ROBO2: variants seen among roughly 807,000 people sequenced by gnomAD.
ROBO2 encodes the protein roundabout homolog 2.
In ROBO2, 53 loss-of-function variants were observed where a neutral mutation model predicts 160.8. The observed-to-expected ratio is 0.33, with a 90% CI of 0.26 to 0.41. The LOEUF (loss-of-function observed/expected upper bound fraction) is 0.41, where lower values mean the gene tolerates loss of function less well. Among genes scored for constraint, ROBO2 ranks in the 10% least tolerant of loss-of-function variants. ROBO2 has a pLI of 1.00. For synonymous variants in ROBO2, 664 were observed against 611.7 expected (o/e 1.09, Z -1.26); for missense variants, 1,577 against 1,722.4 (o/e 0.92, Z 1.49).
intron 2 of ROBO2, among the ~76,000 whole-genome samples, chr3:76,264,626 A>G (rs1468952978): frequency 6.6e-6 from 1 of 152,148 alleles, no homozygotes; most frequent in East Asian, 1.9e-4. Context: ...ATAGTGGTCA[A>G]AAGTACCAGA....
At position 75,992,846 on chromosome 3, in the gene ROBO2, A is replaced by G. The variant is rs558751023; in HGVS notation, c.109+55244A>G. On this transcript the variant is annotated intron_variant, in intron 2 of 26. Transcript: ENST00000487694. ...CATCAGCATGACATGGATGGGAGAC[A>G]TGAAGTCAAAGGAGATCACTTTGGA... Among the ~76,000 whole-genome samples the G allele has an allele frequency of 2.6e-5, 4 of 152,336 alleles. No individual in the cohort carries two copies. The South Asian group carries it at 8.3e-4, about 32-fold the overall frequency.
At chr3:76,838,036 GA>G (rs2109460373) in intron 2 of ROBO2, among the ~76,000 whole-genome samples, 1 of 152,090 alleles carries the variant, frequency 6.6e-6, no homozygotes, top group South Asian at 2.1e-4. Flanking sequence ...CAATATTCAA[GA>G]AATATCCTAG....
chr3:76,256,343 C>CA (rs1407878889), intron 2 of ROBO2, among the ~76,000 whole-genome samples: 230 of 92,274 alleles, frequency 2.5e-3, no homozygotes, highest in South Asian at 0.021. Context: ...CTCTCTCTCT[C>CA]TCTCTCTCTC....
intron 2 of ROBO2, among the ~76,000 whole-genome samples, chr3:76,641,570 A>G (rs907692715): frequency 6.6e-6 from 1 of 152,214 alleles, no homozygotes; most frequent in African/African-American, 2.4e-5. Context: ...CAGAAGCAAT[A>G]TATGATCCTG....
chr3:76,154,121 G>C (rs1006692387), intron 2 of ROBO2, among the ~76,000 whole-genome samples: 1 of 152,058 alleles, frequency 6.6e-6, no homozygotes, highest in Non-Finnish European at 1.5e-5. Flanking sequence ...TTTTAAGGGG[G>C]AAGTTGGAGA....
At chr3:76,101,353 G>A (rs1559553005) in intron 2 of ROBO2, among the ~76,000 whole-genome samples, 1 of 152,046 alleles carries the variant, frequency 6.6e-6, no homozygotes, top group Non-Finnish European at 1.5e-5. Context: ...AAGGGACAAT[G>A]GAGTAAGTTC....
At chr3:76,434,862 G>T in intron 2 of ROBO2, 5 of 1,583,136 alleles carry the variant, frequency 3.2e-6, no homozygotes, top group Admixed American at 1.7e-5. Flanking sequence ...TGCCCTGAAG[G>T]CTCAGAGTGG....
At chr3:77,434,333 A>C (rs2079077549) in intron 2 of ROBO2, among the ~76,000 whole-genome samples, 2 of 152,078 alleles carry the variant, frequency 1.3e-5, no homozygotes, top group Admixed American at 1.3e-4. Context: ...TCCCATTTGC[A>C]ACTGTATTCA....
chr3:76,211,157 T>C (rs1229597891), intron 2 of ROBO2, among the ~76,000 whole-genome samples: 1 of 152,062 alleles, frequency 6.6e-6, no homozygotes, highest in Non-Finnish European at 1.5e-5. Context: ...TGTTTGCCCT[T>C]CTATAAAGCG....
At chr3:76,769,100 G>A (rs1366572706) in intron 2 of ROBO2, among the ~76,000 whole-genome samples, 2 of 151,372 alleles carry the variant, frequency 1.3e-5, no homozygotes, top group Admixed American at 1.3e-4. Flanking sequence ...AGACTGCTAC[G>A]TGGCAACACC....
At chr3:75,977,988 A>T (rs909254315) in intron 2 of ROBO2, among the ~76,000 whole-genome samples, 1 of 151,682 alleles carries the variant, frequency 6.6e-6, no homozygotes, top group South Asian at 2.1e-4. Context: ...AAGGAAGTTA[A>T]ATTAGCAAGA....
intron 2 of ROBO2, among the ~76,000 whole-genome samples, chr3:76,774,475 T>G (rs561348374): frequency 6.6e-6 from 1 of 151,074 alleles, no homozygotes; most frequent in Non-Finnish European, 1.5e-5. Context: ...TATCTTAGTT[T>G]AAATCTTCCC....
intron 2 of ROBO2, among the ~76,000 whole-genome samples, chr3:77,339,437 A>C (rs2066833536): frequency 6.6e-6 from 1 of 152,122 alleles, no homozygotes; most frequent in Non-Finnish European, 1.5e-5. Context: ...TCAGACTTGA[A>C]GTTCAGCTTT....
chr3:76,236,112 T>A (rs1365434231), intron 2 of ROBO2, among the ~76,000 whole-genome samples: 1 of 152,118 alleles, frequency 6.6e-6, no homozygotes, highest in African/African-American at 2.4e-5. Context: ...TCTAATTAAA[T>A]GGAGTTTGCT....
chr3:76,554,312 T>TAAC (rs1258203545), intron 2 of ROBO2, among the ~76,000 whole-genome samples: 3 of 152,182 alleles, frequency 2.0e-5, no homozygotes, highest in African/African-American at 7.2e-5. Flanking sequence ...AGAACACTGT[T>TAAC]AACAGTAATT....
chr3:77,214,355 A>T (rs543348157), intron 2 of ROBO2, among the ~76,000 whole-genome samples: 1 of 151,692 alleles, frequency 6.6e-6, no homozygotes, highest in Non-Finnish European at 1.5e-5. Context: ...GTCTCTTTTG[A>T]TCTTTGTTGG....
intron 6 of ROBO2, among the ~76,000 whole-genome samples, chr3:77,536,093 A>G (rs1196615458): frequency 6.6e-6 from 1 of 152,178 alleles, no homozygotes; most frequent in Non-Finnish European, 1.5e-5. Context: ...CCACCCCTAC[A>G]ATCCCTCAGT....
intron 2 of ROBO2, among the ~76,000 whole-genome samples, chr3:76,700,501 T>C (rs1383641904): frequency 6.6e-6 from 1 of 152,142 alleles, no homozygotes. Context: ...CATCTGTTTT[T>C]TCTTCTAATG....
chr3:77,433,700 A>G (rs918500371), intron 2 of ROBO2, among the ~76,000 whole-genome samples: 1 of 151,678 alleles, frequency 6.6e-6, no homozygotes, highest in Non-Finnish European at 1.5e-5. Context: ...TCTGAGCTTC[A>G]GATCAGGATA....
Sources: allele counts gnomAD v4.1 joint callset (sites outside exome capture counted in the v4.1 genomes callset), GRCh38; gene constraint gnomAD v4.1.1; transcripts MANE v1.5; gene names NCBI Gene and HGNC (gene_info 2026-07-23, HGNC 2026-07-21).